Variants in BAZ2B observed in about 807,000 individuals in gnomAD.
The protein encoded by BAZ2B is bromodomain adjacent to zinc finger domain 2B.
In BAZ2B, 91 loss-of-function variants were observed where a neutral mutation model predicts 246.0. The observed-to-expected ratio is 0.37, with a 90% CI of 0.31 to 0.44. The LOEUF is 0.44. BAZ2B is among the 20% of genes least tolerant of loss of function. The pLI, the probability that BAZ2B is intolerant of heterozygous loss-of-function variation, is 1.00. For synonymous variants in BAZ2B, 855 were observed against 860.0 expected (o/e 0.99, Z 0.10); for missense variants, 2,332 against 2,533.7 (o/e 0.92, Z 1.71).
At chr2:159,345,616 T>C (rs1229932693) in intron 31 of BAZ2B, among the ~76,000 whole-genome samples, 3 of 152,200 alleles carry the variant, frequency 2.0e-5, no homozygotes, top group East Asian at 1.9e-4. Context: ...ACTCGGACTT[T>C]ACACATATTT....
chr2:159,469,526 C>T (rs1229839828), intron 3 of BAZ2B, among the ~76,000 whole-genome samples: 1 of 152,158 alleles, frequency 6.6e-6, no homozygotes, highest in Non-Finnish European at 1.5e-5. Flanking sequence ...ACCTCTGCCT[C>T]CCAGGTTCAA....
intron 2 of BAZ2B, among the ~76,000 whole-genome samples, chr2:159,553,423 A>G (rs1348883422): frequency 6.6e-6 from 1 of 150,782 alleles, no homozygotes; most frequent in Non-Finnish European, 1.5e-5. Flanking sequence ...AAAAGAAAAG[A>G]AAGAAAGAAA....
the BAZ2B span, among the ~76,000 whole-genome samples, chr2:159,627,662 C>T: frequency 1.3e-5 from 2 of 152,158 alleles, no homozygotes; most frequent in East Asian, 1.9e-4. Flanking sequence ...ATTGATGAAG[C>T]GTATCTCAAA....
chr2:159,627,085 A>G, the BAZ2B span, among the ~76,000 whole-genome samples: 2 of 152,108 alleles, frequency 1.3e-5, no homozygotes, highest in Non-Finnish European at 2.9e-5. Context: ...GGATAATTTC[A>G]TAGACACATA....
chr2:159,390,901 C>T (rs2063254678), intron 20 of BAZ2B, among the ~76,000 whole-genome samples: 1 of 152,104 alleles, frequency 6.6e-6, no homozygotes, highest in Non-Finnish European at 1.5e-5. Context: ...TTGACACCAG[C>T]AAAGTTCTAT....
intron 1 of BAZ2B, among the ~76,000 whole-genome samples, chr2:159,607,401 G>A (rs1005114796): frequency 1.2e-4 from 18 of 152,176 alleles, no homozygotes; most frequent in Non-Finnish European, 4.4e-5. Flanking sequence ...GGAAAAGGGA[G>A]GGGTTCTGGT....
chr2:159,383,746 T>G, intron 23 of BAZ2B, 66 bp from the exon 24 acceptor site: 1 of 1,345,550 alleles, frequency 7.4e-7, no homozygotes, highest in Non-Finnish European at 1.0e-6. Flanking sequence ...TAATTTGATA[T>G]GCAATAAACT....
At chr2:159,685,245 A>G in the BAZ2B span, among the ~76,000 whole-genome samples, 1 of 152,238 alleles carries the variant, frequency 6.6e-6, no homozygotes, top group Non-Finnish European at 1.5e-5. Flanking sequence ...GTGTAATTTT[A>G]TTAACAACTT....
intron 1 of BAZ2B, among the ~76,000 whole-genome samples, chr2:159,581,033 A>G (rs1686639620): frequency 6.6e-6 from 1 of 151,932 alleles, no homozygotes. Flanking sequence ...TAAAACACCA[A>G]AAGCAATGGC....
At chr2:159,385,968 G>T (rs2062607897) in intron 22 of BAZ2B, among the ~76,000 whole-genome samples, 2 of 152,146 alleles carry the variant, frequency 1.3e-5, no homozygotes, top group Admixed American at 1.3e-4. Context: ...CTGGTCTGTA[G>T]GTGCCTTGAT....
At chr2:159,636,287 C>G in the BAZ2B span, among the ~76,000 whole-genome samples, 1 of 152,176 alleles carries the variant, frequency 6.6e-6, no homozygotes, top group African/African-American at 2.4e-5. Flanking sequence ...GAGAGATGGT[C>G]TTCAATTGCC....
chr2:159,373,228 T>C (rs752645839), intron 26 of BAZ2B, 39 bp from the exon 27 acceptor site: 1 of 1,550,612 alleles, frequency 6.4e-7, no homozygotes, highest in East Asian at 2.3e-5. Context: ...GTTTGGGATG[T>C]TAAATGCTTT....
chr2:159,325,114 ATTT>A (rs370274501), intron 35 of BAZ2B, among the ~76,000 whole-genome samples, 160 bp from the exon 36 acceptor site: 2,983 of 7,334 alleles, frequency 0.41, 559 homozygotes, highest in Non-Finnish European at 0.45. Context: ...ATATATATAT[ATTT>A]TATATATATA....
intron 2 of BAZ2B, among the ~76,000 whole-genome samples, chr2:159,530,362 C>A (rs920802068): frequency 6.6e-6 from 1 of 152,206 alleles, no homozygotes; most frequent in Non-Finnish European, 1.5e-5. Context: ...TCACATAATA[C>A]TCTCATAGTG....
At chr2:159,603,603 T>C (rs1692695855) in intron 1 of BAZ2B, among the ~76,000 whole-genome samples, 1 of 151,848 alleles carries the variant, frequency 6.6e-6, no homozygotes, top group East Asian at 1.9e-4. Context: ...TCATTCACCC[T>C]GTTAAAAAAA....
chr2:159,580,757 A>C (rs1273577666), intron 1 of BAZ2B, among the ~76,000 whole-genome samples: 1 of 152,186 alleles, frequency 6.6e-6, no homozygotes, highest in Non-Finnish European at 1.5e-5. Flanking sequence ...CTCAGAAATA[A>C]TACTACACAT....
At chr2:159,372,284 A>G (rs2060933770) in intron 27 of BAZ2B, among the ~76,000 whole-genome samples, 1 of 152,228 alleles carries the variant, frequency 6.6e-6, no homozygotes, top group South Asian at 2.1e-4. Context: ...GTTAGTGCTT[A>G]CAGATTTTCA....
chr2:159,370,406 G>A (rs1361415911), intron 27 of BAZ2B, among the ~76,000 whole-genome samples: 3 of 120,484 alleles, frequency 2.5e-5, no homozygotes, highest in African/African-American at 3.4e-5. Flanking sequence ...TTTTTGAGAC[G>A]CAGTCTCGCT....
Position 159,325,642 on chromosome 2 carries a change from G to A in BAZ2B, c.6209+11C>T, listed in dbSNP as rs369366696. On this transcript the variant is annotated intron_variant, in intron 35 of 36. Coordinates refer to ENST00000392783, the MANE Select transcript of BAZ2B (RefSeq NM_013450.4). ...TTATAAATATACAGTGCATGAAAACGGAAATAATACCTGCAAAGAGCTAGG... is the reference window on the plus strand; with the variant it reads ...TTATAAATATACAGTGCATGAAAACAGAAATAATACCTGCAAAGAGCTAGG... The A allele has an allele frequency of 2.9e-5, 46 of 1,576,846 alleles. No homozygotes were observed. The highest frequency in any genetic ancestry group is 2.1e-4 in the Admixed American group (10 of 47,646).
Sources: gnomAD v4.1 joint callset for allele counts (sites outside exome capture counted in the v4.1 genomes callset) on GRCh38, gnomAD v4.1.1 for gene constraint, MANE v1.5 for transcripts, NCBI Gene and HGNC (gene_info 2026-07-23, HGNC 2026-07-21) for gene names.